The following RAP1GAP variants were observed in gnomAD, a reference collection of about 807,000 sequenced individuals.
The protein encoded by RAP1GAP is rap1 GTPase-activating protein 1.
A neutral mutation model predicts 87.2 loss-of-function variants in RAP1GAP; 35 were observed. That is an observed-to-expected ratio of 0.40 (90% CI 0.31 to 0.53). The LOEUF is 0.53. Ranked by LOEUF, RAP1GAP falls within the 20% of genes least tolerant of loss-of-function variation. The pLI is 0.48. For missense variants in RAP1GAP, 734 were observed against 898.9 expected (o/e 0.82, Z 2.35); for synonymous variants, 375 against 363.9 (o/e 1.03, Z -0.35).
At position 21,602,802 on chromosome 1, in the gene RAP1GAP, A is replaced by G; in HGVS notation, c.1538+2T>C. The G allele has an allele frequency of 1.2e-6, 2 of 1,602,620 alleles. No individual in the cohort carries two copies. Among genetic ancestry groups the G allele is most frequent in the Non-Finnish European group, 1.7e-6 (2 of 1,175,862 alleles). ...ATGGGGCACTGTCCCCCACTCACCCACCTCTTCTCCTGCACCTCCTGTATG... is the reference window on the plus strand; with the variant it reads ...ATGGGGCACTGTCCCCCACTCACCCGCCTCTTCTCCTGCACCTCCTGTATG... On this transcript the variant is annotated splice_donor_variant, in intron 19 of 24. Transcript: ENST00000374765. LOFTEE classifies it high-confidence loss of function.
chr1:21,620,095 G>A (rs1326191702), intron 3 of RAP1GAP, 45 bp from the exon 4 acceptor site: 6 of 1,611,160 alleles, frequency 3.7e-6, no homozygotes, highest in Non-Finnish European at 5.1e-6. Flanking sequence ...ATCCCGCCAA[G>A]CCCCAGAGGA....
chr1:21,653,477 T>C (rs1219194796), intron 1 of RAP1GAP, among the ~76,000 whole-genome samples: 4 of 152,082 alleles, frequency 2.6e-5, no homozygotes, highest in Non-Finnish European at 4.4e-5. Flanking sequence ...GGGGGAGGAA[T>C]CACACCAGGG....
chr1:21,625,173 C>T (rs2091416938), intron 3 of RAP1GAP, among the ~76,000 whole-genome samples: 1 of 152,214 alleles, frequency 6.6e-6, no homozygotes, highest in Admixed American at 6.5e-5. Context: ...CATATGGACA[C>T]CATTCCTTGG....
intron 2 of RAP1GAP, among the ~76,000 whole-genome samples, chr1:21,648,687 CCT>C (rs2096297952): frequency 6.6e-6 from 1 of 152,126 alleles, no homozygotes; most frequent in Non-Finnish European, 1.5e-5. Context: ...TTTTATCCCC[CCT>C]CAGTCTACCC....
At chr1:21,628,958 C>T (rs930218530) in intron 2 of RAP1GAP, among the ~76,000 whole-genome samples, 1 of 151,958 alleles carries the variant, frequency 6.6e-6, no homozygotes, top group Non-Finnish European at 1.5e-5. Context: ...CACTGAGGCT[C>T]CCATGGGGAC....
chr1:21,644,103 C>T (rs2095801081), intron 2 of RAP1GAP, among the ~76,000 whole-genome samples: 1 of 152,182 alleles, frequency 6.6e-6, no homozygotes, highest in Non-Finnish European at 1.5e-5. Flanking sequence ...GTCCCAGAGC[C>T]ACAACGCATG....
intron 2 of RAP1GAP, among the ~76,000 whole-genome samples, chr1:21,644,916 A>AG (rs1231859658): frequency 6.7e-6 from 1 of 149,370 alleles, no homozygotes; most frequent in South Asian, 2.1e-4. Context: ...AAAAAAAAAA[A>AG]AAAAGAGAAA....
In RAP1GAP at chr1:21,610,168, G is replaced by A. The variant is rs758304784; in HGVS notation, c.951C>T (p.Tyr317=). ...DMIASNFLHA[Y]VVVQAEGGGP... ...CCCCGCCCTCAGCCTGCACCACGAC[G>A]TAGGCATGCAGGAAGTTGGACGCGA... is the stretch of plus-strand genomic sequence containing the variant. Residue 317 remains tyrosine, a synonymous_variant, in exon 14 of 25, where the codon TAC becomes TAT. Transcript: ENST00000374765. The A allele has an allele frequency of 4.4e-5, 71 of 1,614,046 alleles. No homozygotes were observed. The highest frequency in any genetic ancestry group is 5.8e-5 in the Non-Finnish European group (69 of 1,180,028).
At chr1:21,611,927 GCTC>G in intron 11 of RAP1GAP, 96 bp downstream of exon 11, 1 of 1,483,888 alleles carries the variant, frequency 6.7e-7, no homozygotes, top group Non-Finnish European at 9.3e-7. Context: ...CAGCCCCTGG[GCTC>G]CTGAGTCCCT....
intron 1 of RAP1GAP, among the ~76,000 whole-genome samples, chr1:21,652,879 C>A (rs145226424): frequency 6.6e-6 from 1 of 152,218 alleles, no homozygotes. Flanking sequence ...ATCCTTCCCC[C>A]AGGCCCTGCA....
At chr1:21,640,174 G>A (rs1038584275) in intron 2 of RAP1GAP, among the ~76,000 whole-genome samples, 3 of 150,104 alleles carry the variant, frequency 2.0e-5, no homozygotes, top group Admixed American at 1.3e-4. Flanking sequence ...CACTGCACAC[G>A]CTGTGCCCCC....
chr1:21,610,412 CA>C (rs2077493865), intron 13 of RAP1GAP, 137 bp from the exon 14 acceptor site: 2 of 908,400 alleles, frequency 2.2e-6, no homozygotes, highest in South Asian at 1.7e-5. Context: ...AATAATGTAG[CA>C]AAAAAACTTG....
chr1:21,649,766 A>T lies in RAP1GAP; in HGVS notation c.-118T>A. 6.4e-7 allele frequency: 1 copy of T among 1,552,066 alleles called. No individual in the cohort carries two copies. Among genetic ancestry groups the T allele is most frequent in the South Asian group, 1.2e-5 (1 of 84,054 alleles). ...TGAGAGTCCCCAGTACTCACCACACACTCCGGCGAGAAGTGAAGGACTTGT... is the reference window on the plus strand; with the variant it reads ...TGAGAGTCCCCAGTACTCACCACACTCTCCGGCGAGAAGTGAAGGACTTGT... On this transcript the variant is annotated 5_prime_UTR_variant, in exon 2 of 25. Coordinates refer to ENST00000374765, the MANE Select transcript of RAP1GAP (RefSeq NM_002885.4).
At chr1:21,642,677 C>T (rs2095629684) in intron 2 of RAP1GAP, among the ~76,000 whole-genome samples, 1 of 152,138 alleles carries the variant, frequency 6.6e-6, no homozygotes, top group South Asian at 2.1e-4. Flanking sequence ...GGGTTCAGAG[C>T]CTTCCAGCGT....
chr1:21,656,755 A>G (rs1376009266), intron 1 of RAP1GAP, among the ~76,000 whole-genome samples: 1 of 152,172 alleles, frequency 6.6e-6, no homozygotes, highest in Non-Finnish European at 1.5e-5. Context: ...GCCTACTTAA[A>G]GGGACCCCAT....
At chr1:21,611,943 G>A in intron 11 of RAP1GAP, 83 bp downstream of exon 11, 4 of 1,482,942 alleles carry the variant, frequency 2.7e-6, no homozygotes, top group Non-Finnish European at 3.7e-6. Context: ...GAGTCCCTTG[G>A]CCGGTGTGCT....
chr1:21,610,032 A>G, intron 14 of RAP1GAP, 88 bp downstream of exon 14: 3 of 1,463,146 alleles, frequency 2.1e-6, no homozygotes, highest in Non-Finnish European at 2.8e-6. Flanking sequence ...TAGCTGGAAA[A>G]AGTGAGGCTC....
rs542356301 is a variant in RAP1GAP, at chr1:21,657,800, A to C, written c.-148-8004T>G. ...CATTTCTCATCACAAGTGCCTTCCC[A>C]CTTCTGGCCTCTGCTGGTTCATCTA... On this transcript the variant is annotated intron_variant, in intron 1 of 24. Coordinates refer to ENST00000374765, the MANE Select transcript of RAP1GAP (RefSeq NM_002885.4). Among the ~76,000 whole-genome samples, 8 of 152,178 alleles carry C rather than the reference A, an allele frequency of 5.3e-5. No individual in the cohort carries two copies. In the South Asian group the frequency reaches 1.7e-3, roughly 32 times the overall value.
In RAP1GAP at chr1:21,617,340, G is replaced by A. The variant is rs1178272762; in HGVS notation, c.257C>T (p.Thr86Ile). 6.3e-7 allele frequency: 1 copy of A among 1,593,960 alleles called. No homozygotes were observed. The highest frequency in any genetic ancestry group is 1.8e-5 in the Admixed American group (1 of 56,420). ...TTKVKLECNP[T>I]ARIYRKHFLG... ...AAAGTGCTTCCGGTAGATGCGGGCT[G>A]TGGGGTTGCACTCGAGCTTCACCTT... The change falls in exon 7 of 25, where the codon ACA becomes ATA. Residue 86 changes from threonine to isoleucine, a missense_variant. By Grantham distance (89) the Thr-to-Ile change is moderately conservative (BLOSUM62 -1). Transcript: ENST00000374765.
Sources: allele counts gnomAD v4.1 joint callset (sites outside exome capture counted in the v4.1 genomes callset), GRCh38; gene constraint gnomAD v4.1.1; transcripts MANE v1.5; gene names NCBI Gene and HGNC (gene_info 2026-07-23, HGNC 2026-07-21).